COL4A5: variants seen among roughly 807,000 people sequenced by gnomAD.
COL4A5 encodes collagen alpha-5(IV) chain.
In COL4A5, 26 loss-of-function variants were observed where a neutral mutation model predicts 130.2. That is an observed-to-expected ratio of 0.20 (90% CI 0.15 to 0.28). The LOEUF is 0.28. Among genes scored for constraint, COL4A5 ranks in the 10% least tolerant of loss-of-function variants. The probability of loss-of-function intolerance (pLI) is 1.00; values close to 1 mark genes in which losing one functional copy is unlikely to be tolerated. For missense variants in COL4A5, 1,131 were observed against 1,344.3 expected (o/e 0.84, Z 2.48); for synonymous variants, 496 against 439.6 (o/e 1.13, Z -1.60).
intron 36 of COL4A5, chrX:108,627,327 T>C (rs1376328167): frequency 1.5e-5 from 11 of 712,716 alleles, no homozygotes; most frequent in African/African-American, 4.7e-5. Context: ...CCTTTCCTCA[T>C]AGAGGCCCAC....
chrX:108,514,637 G>A (rs1476616468), intron 1 of COL4A5, among the ~76,000 whole-genome samples: 1 of 112,271 alleles, frequency 8.9e-6, no homozygotes, highest in Admixed American at 9.4e-5. Flanking sequence ...GTCGTCATGT[G>A]TCTGGTATCT....
intron 36 of COL4A5, among the ~76,000 whole-genome samples, chrX:108,647,265 G>A (rs958267026): frequency 8.1e-5 from 9 of 111,150 alleles, no homozygotes; most frequent in Non-Finnish European, 1.5e-4. Context: ...ATTGAGCAGT[G>A]GTTTGTAGTT....
intron 8 of COL4A5, 115 bp from the exon 9 acceptor site, chrX:108,573,459 C>T (rs1426041181): frequency 1.7e-6 from 1 of 575,898 alleles, no homozygotes; most frequent in African/African-American, 2.2e-5. Context: ...CTGAGATGGC[C>T]TAATCTTTTA....
At chrX:108,586,334 G>A in intron 18 of COL4A5, among the ~76,000 whole-genome samples, 1 of 111,523 alleles carries the variant, frequency 9.0e-6, no homozygotes, top group East Asian at 2.8e-4. Context: ...GTAAAGAATT[G>A]TCAGGCTTAG....
At chrX:108,552,189 C>T (rs1191380273) in intron 2 of COL4A5, among the ~76,000 whole-genome samples, 1 of 111,104 alleles carries the variant, frequency 9.0e-6, no homozygotes, top group Non-Finnish European at 1.9e-5. Context: ...TGCACCTGTA[C>T]CCCCGAACCT....
intron 16 of COL4A5, 132 bp from the exon 17 acceptor site, chrX:108,582,752 T>G (rs1051963864): frequency 2.0e-6 from 1 of 494,189 alleles, no homozygotes; most frequent in Non-Finnish European, 3.6e-6. Flanking sequence ...AAGCTTTGGT[T>G]AAGTTCTGAA....
rs1423552285 is a variant in COL4A5, at chrX:108,680,703, A to G, written c.3967A>G (p.Asn1323Asp). The G allele has an allele frequency of 4.1e-6, 5 of 1,208,286 alleles. No individual in the cohort carries two copies. Residue 1323 changes from asparagine (N) to aspartate (D), a missense_variant, in exon 45 of 53, where the codon AAT becomes GAT. By Grantham distance (23) the Asn-to-Asp change is conservative. Transcript: ENST00000328300. ...GGGTAATCCTGGCCGGCCGGGTCTC[A>G]ATGGAATGAAAGGAGATCCTGGTCT... ...LQGNPGRPGLNGMKGDPGLPG... is the reference protein window; with the variant it reads ...LQGNPGRPGLDGMKGDPGLPG...
chrX:108,452,306 T>A (rs1214515622), intron 1 of COL4A5, among the ~76,000 whole-genome samples: 2 of 111,737 alleles, frequency 1.8e-5, no homozygotes, highest in African/African-American at 3.2e-5. Context: ...TTGGCGATGC[T>A]GGCTCTTTTT....
chrX:108,472,454 T>C lies in COL4A5; in HGVS notation c.81+32248T>C, dbSNP rs555621624. Among the ~76,000 whole-genome samples the C allele has an allele frequency of 2.9e-4, 33 of 112,170 alleles. No homozygotes were observed. In the South Asian group the frequency reaches 0.012, roughly 41 times the overall value. ...GTATCCAACAATCATTATAGAACTG[T>C]CTATTTCTTTTTTAAATTCTGTCAA... On this transcript the variant is annotated intron_variant, in intron 1 of 52. Transcript: ENST00000328300.
chrX:108,565,509 A>G (rs757956625), intron 4 of COL4A5, among the ~76,000 whole-genome samples: 2 of 112,015 alleles, frequency 1.8e-5, no homozygotes, highest in Non-Finnish European at 3.8e-5. Context: ...AACCATCATC[A>G]TACCTTTAAA....
At chrX:108,514,516 A>G (rs992073787) in intron 1 of COL4A5, among the ~76,000 whole-genome samples, 1 of 112,026 alleles carries the variant, frequency 8.9e-6, no homozygotes, top group African/African-American at 3.2e-5. Context: ...CATAGTTGCT[A>G]GAAAGGTAAA....
intron 33 of COL4A5, 48 bp from the exon 34 acceptor site, chrX:108,624,188 G>T: frequency 9.5e-7 from 1 of 1,049,359 alleles, no homozygotes; most frequent in South Asian, 1.9e-5. Flanking sequence ...GTTATTTCAT[G>T]GATGAATAAT....
intron 49 of COL4A5, chrX:108,689,888 A>G: frequency 1.3e-6 from 1 of 754,107 alleles, no homozygotes; most frequent in Non-Finnish European, 1.6e-6. Flanking sequence ...ATATGGGATC[A>G]CTCTCTCTTC....
At chrX:108,644,901 A>AAAC (rs1311268849) in intron 36 of COL4A5, among the ~76,000 whole-genome samples, 3 of 102,409 alleles carry the variant, frequency 2.9e-5, no homozygotes, top group Non-Finnish European at 3.9e-5. Flanking sequence ...CTCCGTCTCC[A>AAAC]AACAACAACA....
intron 36 of COL4A5, among the ~76,000 whole-genome samples, chrX:108,647,323 A>G (rs1464958970): frequency 9.1e-6 from 1 of 110,474 alleles, no homozygotes; most frequent in Non-Finnish European, 1.9e-5. Flanking sequence ...ATTCCTAGGT[A>G]TTTTATTCTC....
intron 1 of COL4A5, among the ~76,000 whole-genome samples, chrX:108,523,724 A>G (rs1024694501): frequency 8.9e-6 from 1 of 111,893 alleles, no homozygotes; most frequent in African/African-American, 3.2e-5. Flanking sequence ...CTTCTGATCC[A>G]TGAACATGGG....
chrX:108,625,527 T>C (rs1003741388), intron 34 of COL4A5, among the ~76,000 whole-genome samples, 178 bp from the exon 35 acceptor site: 4 of 111,721 alleles, frequency 3.6e-5, no homozygotes, highest in African/African-American at 9.7e-5. Context: ...TATGGTTATA[T>C]TGTAATATGT....
intron 1 of COL4A5, among the ~76,000 whole-genome samples, chrX:108,532,857 A>G (rs764996821): frequency 1.2e-4 from 13 of 112,213 alleles, no homozygotes; most frequent in African/African-American, 3.9e-4. Flanking sequence ...CTACAAGGAA[A>G]CCTACAAAAC....
At chrX:108,600,023 A>G (rs2066598795) in intron 25 of COL4A5, among the ~76,000 whole-genome samples, 1 of 112,181 alleles carries the variant, frequency 8.9e-6, no homozygotes, top group Non-Finnish European at 1.9e-5. Context: ...CTTGGAAACA[A>G]TTTGTATTGT....
Sources: gnomAD v4.1 joint callset for allele counts (sites outside exome capture counted in the v4.1 genomes callset) on GRCh38, gnomAD v4.1.1 for gene constraint, MANE v1.5 for transcripts, NCBI Gene and HGNC (gene_info 2026-07-23, HGNC 2026-07-21) for gene names.